MAGI3: variants seen among roughly 807,000 people sequenced by gnomAD.
MAGI3 encodes membrane-associated guanylate kinase, WW and PDZ domain-containing protein 3.
MAGI3 carries 43 observed loss-of-function variants against 121.8 expected under a neutral mutation model. That is an observed-to-expected ratio of 0.35 (90% CI 0.28 to 0.46). The LOEUF (loss-of-function observed/expected upper bound fraction) is 0.46. MAGI3 is among the 20% of genes least tolerant of loss of function. The pLI is 1.00. For missense variants in MAGI3, 1,547 were observed against 1,797.3 expected (o/e 0.86, Z 2.52); for synonymous variants, 553 against 639.3 (o/e 0.86, Z 2.04).
intron 6 of MAGI3, among the ~76,000 whole-genome samples, chr1:113,601,312 A>C (rs987042509): frequency 1.1e-4 from 16 of 152,216 alleles, no homozygotes; most frequent in Non-Finnish European, 1.8e-4. Flanking sequence ...AAATTTTTGC[A>C]ATCTACTCAT....
chr1:113,648,349 A>G (rs1652967786), intron 12 of MAGI3, among the ~76,000 whole-genome samples: 1 of 152,070 alleles, frequency 6.6e-6, no homozygotes, highest in Non-Finnish European at 1.5e-5. Flanking sequence ...TTACCTATAA[A>G]TAACATTAAT....
chr1:113,483,372 G>A (rs1345319671), intron 1 of MAGI3, among the ~76,000 whole-genome samples: 2 of 152,080 alleles, frequency 1.3e-5, no homozygotes, highest in Middle Eastern at 3.2e-3. Context: ...GAGGTAATCA[G>A]GTAATGAGGG....
At chr1:113,420,232 A>G (rs1167213546) in intron 1 of MAGI3, among the ~76,000 whole-genome samples, 1 of 152,190 alleles carries the variant, frequency 6.6e-6, no homozygotes, top group Non-Finnish European at 1.5e-5. Context: ...GTGGGTCTAC[A>G]CGAGCCTTAG....
At chr1:113,529,607 T>G (rs1658613492) in intron 1 of MAGI3, among the ~76,000 whole-genome samples, 1 of 152,212 alleles carries the variant, frequency 6.6e-6, no homozygotes, top group Non-Finnish European at 1.5e-5. Context: ...ACTACAACTC[T>G]AACTATCCTT....
At chr1:113,533,751 C>A (rs1274428677) in intron 1 of MAGI3, among the ~76,000 whole-genome samples, 6 of 151,268 alleles carry the variant, frequency 4.0e-5, no homozygotes, top group Non-Finnish European at 7.4e-5. Flanking sequence ...CTTAATCTCC[C>A]TTGATTTGGA....
intron 1 of MAGI3, among the ~76,000 whole-genome samples, chr1:113,449,163 G>A (rs1343458542): frequency 6.6e-6 from 1 of 151,806 alleles, no homozygotes; most frequent in Admixed American, 6.6e-5. Flanking sequence ...GGGCAATAAT[G>A]TGATATGCTG....
intron 1 of MAGI3, among the ~76,000 whole-genome samples, chr1:113,478,660 G>A (rs923488949): frequency 4.6e-5 from 7 of 152,228 alleles, no homozygotes; most frequent in African/African-American, 1.2e-4. Context: ...GGTGGCTGTC[G>A]GCCCCTACTG....
At chr1:113,597,749 C>T (rs998513525) in intron 6 of MAGI3, among the ~76,000 whole-genome samples, 1 of 152,058 alleles carries the variant, frequency 6.6e-6, no homozygotes, top group Admixed American at 6.6e-5. Context: ...AATTTTGTAT[C>T]CAGCAATACT....
At chr1:113,641,592 G>C (rs1044992778) in intron 9 of MAGI3, among the ~76,000 whole-genome samples, 1 of 151,474 alleles carries the variant, frequency 6.6e-6, no homozygotes, top group Non-Finnish European at 1.5e-5. Flanking sequence ...GCTTTGCATG[G>C]ATACTTAGAT....
chr1:113,449,607 T>G (rs1654377405), intron 1 of MAGI3: 1 of 649,738 alleles, frequency 1.5e-6, no homozygotes, highest in Non-Finnish European at 2.7e-6. Context: ...CCCAATAGAT[T>G]GAGTTTATTA....
In MAGI3 at chr1:113,651,072, C is replaced by T. The variant is rs756820068; in HGVS notation, c.2306C>T (p.Ala769Val). The T allele has an allele frequency of 3.4e-5, 55 of 1,614,114 alleles. No individual in the cohort carries two copies. The highest frequency in any genetic ancestry group is 4.7e-5 in the Non-Finnish European group (55 of 1,180,006). The change falls in exon 14 of 21, where the codon GCA (alanine) becomes GTA (valine). Residue 769 changes from alanine to valine, a missense_variant. Transcript: ENST00000307546. The part of the protein sequence containing the change: ...GAAEKDGRLR[A>V]ADELMCIDGI... ...GCTGAGAAAGATGGTCGGCTCCGCG[C>T]AGCTGATGAACTAATGTGCATTGAT...
intron 1 of MAGI3, among the ~76,000 whole-genome samples, chr1:113,433,177 C>T (rs1570668151): frequency 6.6e-6 from 1 of 152,000 alleles, no homozygotes; most frequent in African/African-American, 2.4e-5. Context: ...CAGTGAAGAA[C>T]CTGTGGGAGA....
At chr1:113,571,097 A>G (rs959297119) in intron 2 of MAGI3, among the ~76,000 whole-genome samples, 2 of 152,170 alleles carry the variant, frequency 1.3e-5, no homozygotes. Flanking sequence ...GTCCAGTTTC[A>G]GTTTTCTGCA....
At chr1:113,523,277 TAAATTG>T (rs1202294224) in intron 1 of MAGI3, among the ~76,000 whole-genome samples, 2 of 152,192 alleles carry the variant, frequency 1.3e-5, no homozygotes, top group Non-Finnish European at 1.5e-5. Flanking sequence ...ACTAATACAG[TAAATTG>T]ATACTGGTAG....
rs1649582779 is a variant in MAGI3 at position 113,604,106 on chromosome 1, A to G, written c.1018+9546A>G. Among the ~76,000 whole-genome samples the G allele has an allele frequency of 2.0e-5, 3 of 152,176 alleles. No individual in the cohort carries two copies. In the South Asian group the frequency reaches 6.2e-4, roughly 32 times the overall value. On this transcript the variant is annotated intron_variant, in intron 6 of 20. Coordinates refer to ENST00000307546, the MANE Select transcript of MAGI3 (RefSeq NM_001142782.2). ...TTAAAGAACTAAAATTAGATCTACCATTTGATCCAGGAATCCCACTCCTGG... is the reference window on the plus strand; with the variant it reads ...TTAAAGAACTAAAATTAGATCTACCGTTTGATCCAGGAATCCCACTCCTGG...
chr1:113,453,944 A>G (rs1654619242), intron 1 of MAGI3, among the ~76,000 whole-genome samples: 1 of 152,246 alleles, frequency 6.6e-6, no homozygotes, highest in Admixed American at 6.5e-5. Context: ...TATGTCCATA[A>G]TATAGCAAGT....
intron 15 of MAGI3, among the ~76,000 whole-genome samples, chr1:113,657,793 A>G (rs1442794777): frequency 6.6e-6 from 1 of 152,242 alleles, no homozygotes; most frequent in Non-Finnish European, 1.5e-5. Flanking sequence ...TAAGGAAAAT[A>G]GAATAATAAG....
At chr1:113,497,160 G>A (rs1252765946) in intron 1 of MAGI3, among the ~76,000 whole-genome samples, 3 of 152,142 alleles carry the variant, frequency 2.0e-5, no homozygotes, top group East Asian at 3.9e-4. Context: ...TGGAGGCTGA[G>A]GTGCGTGGAT....
At chr1:113,514,261 C>T (rs1657771754) in intron 1 of MAGI3, among the ~76,000 whole-genome samples, 1 of 151,872 alleles carries the variant, frequency 6.6e-6, no homozygotes, top group African/African-American at 2.4e-5. Flanking sequence ...TTGACCCAGC[C>T]ATCCCATTAC....
Sources: gnomAD v4.1 joint callset for allele counts (sites outside exome capture counted in the v4.1 genomes callset) on GRCh38, gnomAD v4.1.1 for gene constraint, MANE v1.5 for transcripts, NCBI Gene and HGNC (gene_info 2026-07-23, HGNC 2026-07-21) for gene names.